Variants in IMPA2 observed in about 807,000 individuals in gnomAD.
The protein encoded by IMPA2 is IMP 2.
Under a neutral mutation model 35.1 loss-of-function variants are expected in IMPA2, and 32 were observed. That is an observed-to-expected ratio of 0.91 (90% CI 0.69 to 1.23). IMPA2 has a LOEUF of 1.23. IMPA2 is among the 50% of genes most tolerant of loss of function. The pLI is 0.00. For synonymous variants in IMPA2, 135 were observed against 160.6 expected (o/e 0.84, Z 1.20); for missense variants, 334 against 387.6 (o/e 0.86, Z 1.16).
rs536030426 is a variant in IMPA2 at position 12,010,015 on chromosome 18, G to C, written c.335+28G>C. ...GAGCTGAGCAGGGATCGCCTCCATT[G>C]CAGGGCTTAACATGTCCTCTTCTGT... On this transcript the variant is annotated intron_variant, in intron 3 of 7. Transcript: ENST00000269159. This position sits in a 1 kb window ranked among gnomAD's most constrained non-coding sequence, Gnocchi z 4.8. 2 of 1,539,304 alleles carry C rather than the reference G, an allele frequency of 1.3e-6. No individual in the cohort carries two copies. Among genetic ancestry groups the C allele is most frequent in the South Asian group, 2.2e-5 (2 of 89,710 alleles).
At chr18:12,018,749 C>T (rs1386936020) in intron 5 of IMPA2, among the ~76,000 whole-genome samples, 1 of 152,064 alleles carries the variant, frequency 6.6e-6, no homozygotes, top group African/African-American at 2.4e-5. Flanking sequence ...TTATGTCTGG[C>T]TTAATGTAAG....
At position 11,991,158 on chromosome 18, in the gene IMPA2, G is replaced by A. The variant is rs982158336; in HGVS notation, c.97-7896G>A. Among the ~76,000 whole-genome samples, 1 of 152,214 alleles carries A rather than the reference G, an allele frequency of 6.6e-6. No individual in the cohort carries two copies. Among genetic ancestry groups the A allele is most frequent in the Admixed American group, 6.5e-5 (1 of 15,286 alleles). ...GGTGGGGAGATAGGAGGAAAGCCAC[G>A]AGGGGAGGCAGGGGCCACAGGCCAC... On this transcript the variant is annotated intron_variant, in intron 1 of 7. Transcript: ENST00000269159. This position sits in a 1 kb window ranked among gnomAD's most constrained non-coding sequence, Gnocchi z 4.1.
chr18:11,990,463 AGAG>A (rs1484829411), intron 1 of IMPA2, among the ~76,000 whole-genome samples: 2 of 152,164 alleles, frequency 1.3e-5, no homozygotes, highest in African/African-American at 4.8e-5. Flanking sequence ...AAGGGGCAAA[AGAG>A]AACATAGCAC....
In IMPA2 at chr18:12,030,457, G is replaced by T; in HGVS notation, c.866G>T (p.Ter289LeuextTer53). ...TINYGRDDEK[*>L] ...AACTATGGGCGGGATGATGAGAAGT[G>T]ACTGCGGCTGAGGCAAAGCTGCTCC... The change falls in exon 8 of 8, where the codon TGA (stop) becomes TTA (leucine). Residue 289 changes from the stop codon to leucine (L), a stop_lost. Coordinates refer to ENST00000269159, the MANE Select transcript of IMPA2 (RefSeq NM_014214.3). The T allele has an allele frequency of 6.2e-7, 1 of 1,613,296 alleles. No individual in the cohort carries two copies. Among genetic ancestry groups the T allele is most frequent in the South Asian group, 1.1e-5 (1 of 91,058 alleles).
At chr18:12,020,274 A>G (rs145167887) in intron 5 of IMPA2, among the ~76,000 whole-genome samples, 9,979 of 151,706 alleles carry the variant, frequency 0.066, 467 homozygotes, top group Admixed American at 0.16. Context: ...GCTCACTGCA[A>G]CCTCCACCTC....
intron 1 of IMPA2, among the ~76,000 whole-genome samples, chr18:11,984,690 G>A (rs750702525): frequency 3.3e-5 from 5 of 151,794 alleles, no homozygotes; most frequent in Non-Finnish European, 4.4e-5. Flanking sequence ...AACTGTGGCC[G>A]GGCGCGGTGG....
chr18:12,006,074 T>C (rs1264921968), intron 2 of IMPA2, among the ~76,000 whole-genome samples: 1 of 152,172 alleles, frequency 6.6e-6, no homozygotes, highest in East Asian at 1.9e-4. Context: ...TTGCAAGCCA[T>C]TACAGAAGAG....
In IMPA2 at chr18:12,010,106, C is replaced by T; in HGVS notation, c.335+119C>T. ...AATATATAAACAAACCTATAGTACA[C>T]TCATAGTCTCATCAGAAAGATGATC... On this transcript the variant is annotated intron_variant, in intron 3 of 7. Transcript: ENST00000269159. The surrounding 1 kb of genome is among the most constrained non-coding windows in gnomAD (Gnocchi z 4.8). 1 of 613,252 alleles carries T rather than the reference C, an allele frequency of 1.6e-6. No homozygotes were observed. The highest frequency in any genetic ancestry group is 2.8e-5 in the East Asian group (1 of 35,226). The allele number at this position is 613,252 out of a possible 1,614,324, so 38.0% of individuals were successfully genotyped here.
At chr18:12,020,855 A>C (rs1043621935) in intron 5 of IMPA2, among the ~76,000 whole-genome samples, 3 of 151,286 alleles carry the variant, frequency 2.0e-5, no homozygotes, top group African/African-American at 7.3e-5. Flanking sequence ...TTGTGGTTAG[A>C]TTTCTTTTTT....
At chr18:11,982,614 G>C (rs531194658) in intron 1 of IMPA2, among the ~76,000 whole-genome samples, 1 of 152,184 alleles carries the variant, frequency 6.6e-6, no homozygotes, top group Non-Finnish European at 1.5e-5. Flanking sequence ...GACCAACATG[G>C]TGAAACCCCG....
intron 2 of IMPA2, among the ~76,000 whole-genome samples, chr18:12,002,411 A>G (rs534961606): frequency 9.8e-5 from 15 of 152,288 alleles, no homozygotes; most frequent in Non-Finnish European, 1.9e-4. Flanking sequence ...TCACTCATCC[A>G]TGAAATCCAA....
chr18:12,018,292 G>C (rs1476740089), intron 5 of IMPA2: 1 of 152,352 alleles, frequency 6.6e-6, no homozygotes, highest in African/African-American at 2.4e-5. Flanking sequence ...CTCAGTAACA[G>C]TTGACAAGCT....
Position 12,030,662 on chromosome 18 carries a change from C to T in IMPA2, c.*204C>T. The T allele has an allele frequency of 3.5e-6, 2 of 575,260 alleles. No homozygotes were observed. The highest frequency in any genetic ancestry group is 6.2e-6 in the Non-Finnish European group (2 of 322,630). 35.6% of individuals were successfully genotyped at this position (575,260 alleles called of 1,614,324 possible). A position where few individuals can be genotyped will look rare whatever the true frequency, so the allele number is the denominator to read the frequency against. ...GGATTTGGTGTTTAGCTGTTTCTCT[C>T]TTTAATCTCACGTAGCCTTTTTCAG... On this transcript the variant is annotated 3_prime_UTR_variant, in exon 8 of 8. Transcript: ENST00000269159.
At chr18:12,020,267 C>T (rs755647595) in intron 5 of IMPA2, among the ~76,000 whole-genome samples, 1 of 151,646 alleles carries the variant, frequency 6.6e-6, no homozygotes, top group African/African-American at 2.4e-5. Flanking sequence ...GATTTCAGCT[C>T]ACTGCAACCT....
intron 2 of IMPA2, among the ~76,000 whole-genome samples, chr18:12,004,435 C>T (rs1907197955): frequency 1.3e-5 from 2 of 152,016 alleles, no homozygotes; most frequent in Admixed American, 6.5e-5. Context: ...AGCCTTAATC[C>T]AGTTGCTATT....
At chr18:12,012,519 A>G (rs1907464307) in intron 4 of IMPA2, among the ~76,000 whole-genome samples, 1 of 152,228 alleles carries the variant, frequency 6.6e-6, no homozygotes, top group Non-Finnish European at 1.5e-5. Flanking sequence ...GTCCAAGTGC[A>G]TCTCCAGCTG....
rs773785260 is a variant in IMPA2 at position 11,999,121 on chromosome 18, C to T, written c.164C>T (p.Thr55Ile). The change falls in exon 2 of 8, where the codon ACA becomes ATA. Residue 55 changes from threonine to isoleucine, a missense_variant. Coordinates refer to ENST00000269159, the MANE Select transcript of IMPA2 (RefSeq NM_014214.3). ...AAAACATCAGCTGCAGATCTTGTGA[C>T]AGAAACAGATCACCTTGTGGAAGAT... ...STKTSAADLV[T>I]ETDHLVEDLI... The T allele has an allele frequency of 5.6e-6, 9 of 1,613,648 alleles. No homozygotes were observed. The highest frequency in any genetic ancestry group is 5.0e-5 in the Admixed American group (3 of 59,988).
rs576033345 is a variant in IMPA2, at chr18:12,028,897, G to A, written c.655G>A (p.Ala219Thr). 1.1e-5 allele frequency: 18 copies of A among 1,614,158 alleles called. No homozygotes were observed. The highest frequency in any genetic ancestry group is 2.2e-5 in the East Asian group (1 of 44,882). Reference protein sequence around the residue: ...LALCHLASGAADAYYQFGLHC... With the variant: ...LALCHLASGATDAYYQFGLHC... Reference sequence around the variant, plus strand: ...ACTCTGCCACCTGGCCTCAGGGGCCGCGGATGCCTATTACCAGTTTGGCCT... The same window carrying A: ...ACTCTGCCACCTGGCCTCAGGGGCCACGGATGCCTATTACCAGTTTGGCCT... The change falls in exon 7 of 8, where the codon GCG (alanine) becomes ACG (threonine). Residue 219 changes from alanine to threonine, a missense_variant. Transcript: ENST00000269159.
At position 11,984,439 on chromosome 18, in the gene IMPA2, G is replaced by T. The variant is rs375326467; in HGVS notation, c.96+2674G>T. 2.3e-4 allele frequency among the ~76,000 whole-genome samples: 35 copies of T among 152,236 alleles called. 1 individual carries two copies. Among genetic ancestry groups the T allele is most frequent in the Non-Finnish European group, 4.4e-5 (3 of 68,038 alleles). On this transcript the variant is annotated intron_variant, in intron 1 of 7. Coordinates refer to ENST00000269159, the MANE Select transcript of IMPA2 (RefSeq NM_014214.3). Reference sequence around the variant, plus strand: ...ATGGTTGTCATCTTTTGTGTGATGTGTGAACAGAAGTATTGTAGACAGCTC... The same window carrying T: ...ATGGTTGTCATCTTTTGTGTGATGTTTGAACAGAAGTATTGTAGACAGCTC...
Sources: gnomAD v4.1 joint callset for allele counts (sites outside exome capture counted in the v4.1 genomes callset) on GRCh38, gnomAD v4.1.1 for gene constraint, Gnocchi (gnomAD v3.1) non-coding constraint, MANE v1.5 for transcripts, NCBI Gene and HGNC (gene_info 2026-07-23, HGNC 2026-07-21) for gene names.